CASK: variants seen among roughly 807,000 people sequenced by gnomAD.
CASK encodes the protein peripheral plasma membrane protein CASK.
A neutral mutation model predicts 82.9 loss-of-function variants in CASK; 4 were observed. That is an observed-to-expected ratio of 0.05 (90% CI 0.02 to 0.11). CASK has a LOEUF of 0.11. Ranked by LOEUF, CASK falls within the 10% of genes least tolerant of loss-of-function variation. The pLI is 1.00. For missense variants in CASK, 358 were observed against 720.9 expected, an observed-to-expected ratio of 0.50 and a Z score of 5.76; for synonymous variants, 259 against 253.5, an observed-to-expected ratio of 1.02 and a Z score of -0.20.
intron 1 of CASK, among the ~76,000 whole-genome samples, chrX:41,906,524 C>G (rs1375599742): frequency 8.9e-6 from 1 of 112,518 alleles, no homozygotes; most frequent in Non-Finnish European, 1.9e-5. Context: ...ACAGCAGTTG[C>G]TACTCTGGAA....
rs952085268 is a variant in CASK at position 41,517,263 on chromosome X, T to C, written c.*3157A>G. On this transcript the variant is annotated 3_prime_UTR_variant, in exon 27 of 27. Transcript: ENST00000378163. ...CCACCAATAGGATGGGCTGGGACGA[T>C]GCCTTCTGAATGCAAATAGCAAGAA... 1.7e-5 allele frequency: 2 copies of C among 116,949 alleles called. No individual in the cohort carries two copies. The highest frequency in any genetic ancestry group is 3.6e-5 in the Non-Finnish European group (2 of 56,100). The allele number at this position is 116,949 out of a possible 1,213,427, so 9.6% of individuals were successfully genotyped here.
At chrX:41,892,568 C>G (rs2072193899) in intron 1 of CASK, among the ~76,000 whole-genome samples, 1 of 111,440 alleles carries the variant, frequency 9.0e-6, no homozygotes, top group South Asian at 3.8e-4. Context: ...CTCTTGATCT[C>G]AAGTGATCCA....
intron 21 of CASK, among the ~76,000 whole-genome samples, chrX:41,547,537 T>C (rs1236265118): frequency 9.0e-6 from 1 of 111,641 alleles, no homozygotes; most frequent in Non-Finnish European, 1.9e-5. Context: ...TATAATATTA[T>C]GGTGTTGCAA....
chrX:41,755,456 T>G (rs754555668), intron 3 of CASK, among the ~76,000 whole-genome samples: 12 of 112,019 alleles, frequency 1.1e-4, no homozygotes, highest in Non-Finnish European at 2.1e-4. Flanking sequence ...ATTAATATAA[T>G]TGTGTACACT....
At chrX:41,680,038 A>G (rs1356772168) in intron 5 of CASK, among the ~76,000 whole-genome samples, 1 of 111,340 alleles carries the variant, frequency 9.0e-6, no homozygotes, top group Non-Finnish European at 1.9e-5. Context: ...TGTCCCTACT[A>G]AAAATACAAA....
At chrX:41,737,707 A>G (rs1186696896) in intron 5 of CASK, among the ~76,000 whole-genome samples, 3 of 112,590 alleles carry the variant, frequency 2.7e-5, no homozygotes, top group Non-Finnish European at 3.8e-5. Context: ...TGTTGATATA[A>G]TTATCTTTCG....
At chrX:41,814,778 GA>G (rs1430184403) in intron 2 of CASK, among the ~76,000 whole-genome samples, 1 of 111,339 alleles carries the variant, frequency 9.0e-6, no homozygotes, top group African/African-American at 3.3e-5. Flanking sequence ...ATTTTGAAGG[GA>G]AAAAAAGAGC....
intron 5 of CASK, chrX:41,675,646 T>C: frequency 4.7e-6 from 3 of 637,244 alleles, no homozygotes; most frequent in South Asian, 2.6e-5. Flanking sequence ...CAAATAGAAG[T>C]AACATAAACC....
At chrX:41,528,701 G>A (rs2064750281) in intron 25 of CASK, among the ~76,000 whole-genome samples, 1 of 111,999 alleles carries the variant, frequency 8.9e-6, no homozygotes, top group Non-Finnish European at 1.9e-5. Flanking sequence ...ATACAGTAGA[G>A]GGGTCATCTA....
chrX:41,586,798 A>C (rs2065664523), intron 14 of CASK, 109 bp downstream of exon 14: 1 of 524,647 alleles, frequency 1.9e-6, no homozygotes. Flanking sequence ...GTCTCATATG[A>C]TATGGATAAA....
intron 10 of CASK, among the ~76,000 whole-genome samples, chrX:41,623,220 A>T (rs1234331774): frequency 8.9e-6 from 1 of 111,746 alleles, no homozygotes; most frequent in Admixed American, 9.5e-5. Context: ...ACAGTTCATC[A>T]TAAGATTAAA....
chrX:41,811,561 C>T (rs1336037658), intron 2 of CASK, among the ~76,000 whole-genome samples: 4 of 112,258 alleles, frequency 3.6e-5, no homozygotes, highest in Middle Eastern at 4.6e-3. Context: ...ACACAACATA[C>T]CAGAATCTCT....
At chrX:41,551,749 G>A (rs747675366) in intron 21 of CASK, among the ~76,000 whole-genome samples, 30 of 107,649 alleles carry the variant, frequency 2.8e-4, no homozygotes, top group Non-Finnish European at 5.2e-4. Flanking sequence ...ATGTGGTGGC[G>A]GGTGCCTGTA....
chrX:41,592,781 A>C (rs757449705), intron 12 of CASK, among the ~76,000 whole-genome samples: 1 of 111,978 alleles, frequency 8.9e-6, no homozygotes, highest in Non-Finnish European at 1.9e-5. Flanking sequence ...TTACTAGTCT[A>C]AGCTCTTAAC....
At chrX:41,562,641 A>G (rs1482285416) in intron 16 of CASK, 1 of 112,106 alleles carries the variant, frequency 8.9e-6, no homozygotes, top group Non-Finnish European at 1.9e-5. Flanking sequence ...TAGGTCAATG[A>G]AAAATATCAT....
intron 8 of CASK, among the ~76,000 whole-genome samples, chrX:41,638,110 T>C (rs2066589720): frequency 1.8e-5 from 2 of 112,323 alleles, no homozygotes; most frequent in South Asian, 7.4e-4. Flanking sequence ...TTGGCATACA[T>C]GAGGAAAACC....
chrX:41,913,898 C>T (rs910112087), intron 1 of CASK, among the ~76,000 whole-genome samples: 5 of 111,611 alleles, frequency 4.5e-5, no homozygotes, highest in East Asian at 2.8e-4. Context: ...ACAGAGCAAC[C>T]GCATTCCATA....
chrX:41,829,631 GGGT>G (rs2070744632), intron 2 of CASK, among the ~76,000 whole-genome samples: 1 of 57,320 alleles, frequency 1.7e-5, no homozygotes, highest in Admixed American at 2.2e-4. Flanking sequence ...GGGGGGGTGG[GGGT>G]GAACATATGT....
At chrX:41,869,188 T>C (rs1297754673) in intron 1 of CASK, among the ~76,000 whole-genome samples, 1 of 111,561 alleles carries the variant, frequency 9.0e-6, no homozygotes, top group Non-Finnish European at 1.9e-5. Flanking sequence ...AACTGCCCCA[T>C]AGGACTCATA....
Sources: allele counts gnomAD v4.1 joint callset (sites outside exome capture counted in the v4.1 genomes callset), GRCh38; gene constraint gnomAD v4.1.1; transcripts MANE v1.5; gene names NCBI Gene and HGNC (gene_info 2026-07-23, HGNC 2026-07-21).